LRRTM4: variants seen among roughly 807,000 people sequenced by gnomAD.
The protein encoded by LRRTM4 is leucine-rich repeat transmembrane neuronal protein 4.
LRRTM4 carries 25 observed loss-of-function variants against 47.6 expected under a neutral mutation model. That is an observed-to-expected ratio of 0.53 (90% CI 0.38 to 0.73). The LOEUF (loss-of-function observed/expected upper bound fraction) is 0.73, where lower values mean the gene tolerates loss of function less well. Among genes scored for constraint, LRRTM4 ranks in the 30% least tolerant of loss-of-function variants. The pLI, the probability that LRRTM4 is intolerant of heterozygous loss-of-function variation, is 0.00. For missense variants in LRRTM4, 638 were observed against 713.4 expected (o/e 0.89, Z 1.20); for synonymous variants, 311 against 269.5 (o/e 1.15, Z -1.51).
chr2:76,769,713 C>A lies in LRRTM4; in HGVS notation c.1552-20797G>T, dbSNP rs146681618. Among the ~76,000 whole-genome samples the A allele has an allele frequency of 2.4e-3, 372 of 152,074 alleles. 5 individuals carry two copies. The highest frequency in any genetic ancestry group is 8.2e-3 in the African/African-American group (342 of 41,482). On this transcript the variant is annotated intron_variant, in intron 3 of 3. Coordinates refer to ENST00000409884, the MANE Select transcript of LRRTM4 (RefSeq NM_001134745.3). ...TTCGTATCGGCATTTTAACAGGACCCCCCAGATGACTCGTATTTATATTAA... is the reference window on the plus strand; with the variant it reads ...TTCGTATCGGCATTTTAACAGGACCACCCAGATGACTCGTATTTATATTAA...
Position 77,069,721 on chromosome 2 carries a change from A to G in LRRTM4, c.1552-320805T>C, listed in dbSNP as rs180949583. On this transcript the variant is annotated intron_variant, in intron 3 of 3. Transcript: ENST00000409884. ...CAGCCACGAGAGCACAGGGCCTTCT[A>G]AAGTCTTTCTTGAGCATGTTCACAA... Among the ~76,000 whole-genome samples the G allele has an allele frequency of 5.3e-3, 789 of 147,616 alleles. 5 individuals are homozygous for G. The highest frequency in any genetic ancestry group is 0.018 in the African/African-American group (729 of 40,502).
intron 3 of LRRTM4, among the ~76,000 whole-genome samples, chr2:77,390,290 C>T (rs1430808031): frequency 6.6e-6 from 1 of 151,930 alleles, no homozygotes; most frequent in Non-Finnish European, 1.5e-5. Flanking sequence ...AGTGGACGGG[C>T]TTAGGTAGGA....
In LRRTM4 at chr2:76,938,552, T is replaced by C. The variant is rs75944036; in HGVS notation, c.1552-189636A>G. On this transcript the variant is annotated intron_variant, in intron 3 of 3. Coordinates refer to ENST00000409884, the MANE Select transcript of LRRTM4 (RefSeq NM_001134745.3). ...TTCACTCCTGTTATGTTTGCATATA[T>C]GAATTAATGAGCTGAATTATAATAA... Among the ~76,000 whole-genome samples, 1,315 of 152,254 alleles carry C rather than the reference T, an allele frequency of 8.6e-3. 10 individuals carry two copies. Among genetic ancestry groups the C allele is most frequent in the Non-Finnish European group, 0.013 (887 of 67,984 alleles).
chr2:77,254,295 A>G (rs1675702852), intron 3 of LRRTM4, among the ~76,000 whole-genome samples: 1 of 152,034 alleles, frequency 6.6e-6, no homozygotes, highest in Non-Finnish European at 1.5e-5. Context: ...CCTAGATTCT[A>G]TATCAAGCAA....
chr2:76,807,678 G>A lies in LRRTM4; in HGVS notation c.1552-58762C>T, dbSNP rs938136624. Among the ~76,000 whole-genome samples, 38 of 150,058 alleles carry A rather than the reference G, an allele frequency of 2.5e-4. 1 individual carries two copies. The highest frequency in any genetic ancestry group is 7.3e-4 in the Admixed American group (11 of 15,008). ...GCGATCTCAGCTCATCGCAACCTCT[G>A]CCTCCCAGGTTCAAGAGATTCTTCT... On this transcript the variant is annotated intron_variant, in intron 3 of 3. Coordinates refer to ENST00000409884, the MANE Select transcript of LRRTM4 (RefSeq NM_001134745.3).
intron 3 of LRRTM4, among the ~76,000 whole-genome samples, chr2:77,459,631 T>C (rs1263877280): frequency 6.6e-6 from 1 of 151,908 alleles, no homozygotes; most frequent in African/African-American, 2.4e-5. Context: ...ATGTTAAACA[T>C]ATCTAATGTC....
chr2:77,272,281 T>TAA (rs1304648730), intron 3 of LRRTM4, among the ~76,000 whole-genome samples: 1 of 152,180 alleles, frequency 6.6e-6, no homozygotes, highest in Non-Finnish European at 1.5e-5. Flanking sequence ...ATTGGCACTT[T>TAA]AATAAGGATG....
chr2:77,229,255 A>C (rs1292129069), intron 3 of LRRTM4, among the ~76,000 whole-genome samples: 1 of 152,002 alleles, frequency 6.6e-6, no homozygotes, highest in Non-Finnish European at 1.5e-5. Flanking sequence ...TTCATTCCCC[A>C]GGTCCCTGTT....
chr2:76,783,318 A>C lies in LRRTM4; in HGVS notation c.1552-34402T>G, dbSNP rs138053110. On this transcript the variant is annotated intron_variant, in intron 3 of 3. Transcript: ENST00000409884. Reference sequence around the variant, plus strand: ...AATGCCAATTTTAAATTAAAGGCAAATAATGGTTGGAAAAGTCATTTGTGT... The same window carrying C: ...AATGCCAATTTTAAATTAAAGGCAACTAATGGTTGGAAAAGTCATTTGTGT... Among the ~76,000 whole-genome samples, 287 of 152,324 alleles carry C rather than the reference A, an allele frequency of 1.9e-3. 3 individuals are homozygous for C. In the East Asian group the frequency reaches 0.032, roughly 17 times the overall value.
intron 3 of LRRTM4, among the ~76,000 whole-genome samples, chr2:77,346,149 G>T (rs892108336): frequency 2.0e-5 from 3 of 151,890 alleles, no homozygotes; most frequent in Non-Finnish European, 4.4e-5. Flanking sequence ...TGGCATTCTG[G>T]GAATGGTAAA....
intron 3 of LRRTM4, among the ~76,000 whole-genome samples, chr2:77,287,991 A>C (rs1443933047): frequency 6.6e-6 from 1 of 152,102 alleles, no homozygotes; most frequent in Admixed American, 6.6e-5. Context: ...TGTTGTCTCA[A>C]CATTCTTCAA....
chr2:76,930,887 T>C (rs1674748040), intron 3 of LRRTM4, among the ~76,000 whole-genome samples: 1 of 152,212 alleles, frequency 6.6e-6, no homozygotes, highest in Admixed American at 6.5e-5. Context: ...TAAATTATAA[T>C]GAATTACATT....
chr2:77,084,524 C>T (rs560432052), intron 3 of LRRTM4, among the ~76,000 whole-genome samples: 2 of 152,180 alleles, frequency 1.3e-5, no homozygotes, highest in South Asian at 4.1e-4. Flanking sequence ...TTTACCCTTA[C>T]ATTATTTATG....
chr2:76,754,412 G>T (rs1402318856), intron 3 of LRRTM4, among the ~76,000 whole-genome samples: 7 of 152,004 alleles, frequency 4.6e-5, no homozygotes, highest in Admixed American at 6.6e-5. Flanking sequence ...TAGAATACAA[G>T]AAAGGATATA....
chr2:77,175,595 G>T (rs1320721514), intron 3 of LRRTM4, among the ~76,000 whole-genome samples: 1 of 152,078 alleles, frequency 6.6e-6, no homozygotes, highest in Non-Finnish European at 1.5e-5. Context: ...TGTACTTGAT[G>T]CAACGTGACC....
intron 3 of LRRTM4, among the ~76,000 whole-genome samples, chr2:77,407,560 T>C (rs1674243592): frequency 6.8e-6 from 1 of 146,362 alleles, no homozygotes; most frequent in Non-Finnish European, 1.5e-5. Context: ...GAAAAAGCTA[T>C]GGTAAATAGT....
chr2:77,307,044 C>T (rs192462501), intron 3 of LRRTM4, among the ~76,000 whole-genome samples: 13 of 151,218 alleles, frequency 8.6e-5, no homozygotes, highest in African/African-American at 2.0e-4. Flanking sequence ...GGACTACAGG[C>T]GCCCACCACC....
rs1221439109 is a variant in LRRTM4 at position 77,130,822 on chromosome 2, C to CTTTTTT, written c.1552-381907_1552-381906insAAAAAA. Among the ~76,000 whole-genome samples, 10 of 52,066 alleles carry CTTTTTT rather than the reference C, an allele frequency of 1.9e-4. 1 individual carries two copies. The highest frequency in any genetic ancestry group is 2.4e-4 in the Admixed American group (1 of 4,086). The allele number at this position is 52,066 out of a possible 152,430, so 34.2% of individuals were successfully genotyped here. A position where few individuals can be genotyped will look rare whatever the true frequency, so the allele number is the denominator to read the frequency against. ...CACCGTGCCCGGCCAATTATTTGTT[C>CTTTTTT]TATTTTTTTTTTTTTTTTTTTTTTT... On this transcript the variant is annotated intron_variant, in intron 3 of 3. Coordinates refer to ENST00000409884, the MANE Select transcript of LRRTM4 (RefSeq NM_001134745.3).
intron 3 of LRRTM4, among the ~76,000 whole-genome samples, chr2:77,306,021 G>A (rs932308363): frequency 6.6e-6 from 1 of 152,044 alleles, no homozygotes; most frequent in African/African-American, 2.4e-5. Flanking sequence ...ACATGTCCAT[G>A]TTTACATCTT....
Sources: allele counts gnomAD v4.1 joint callset (sites outside exome capture counted in the v4.1 genomes callset), GRCh38; gene constraint gnomAD v4.1.1; transcripts MANE v1.5; gene names NCBI Gene and HGNC (gene_info 2026-07-23, HGNC 2026-07-21).